COG5: variants seen among roughly 807,000 people sequenced by gnomAD.
COG5 encodes the protein conserved oligomeric Golgi complex subunit 5.
COG5 carries 86 observed loss-of-function variants against 110.4 expected under a neutral mutation model. The ratio of observed to expected loss-of-function variants is 0.78; its 90% CI spans 0.65 to 0.93. The LOEUF is 0.93. Among genes scored for constraint, COG5 ranks in the 40% least tolerant of loss-of-function variants. The pLI, the probability that COG5 is intolerant of heterozygous loss-of-function variation, is 0.00. For missense variants in COG5, 1,077 were observed against 987.0 expected (o/e 1.09, Z -1.22); for synonymous variants, 360 against 334.6 (o/e 1.08, Z -0.83).
chr7:107,244,167 G>T (rs569141251), intron 17 of COG5, among the ~76,000 whole-genome samples: 1 of 152,118 alleles, frequency 6.6e-6, no homozygotes, highest in Non-Finnish European at 1.5e-5. Context: ...CAGGAGAATC[G>T]CTTGAACCGA....
At chr7:107,473,732 A>G (rs1490217757) in intron 6 of COG5, among the ~76,000 whole-genome samples, 3 of 152,128 alleles carry the variant, frequency 2.0e-5, no homozygotes, top group Admixed American at 1.3e-4. Context: ...ATCATACAAA[A>G]ATACACTTTA....
At chr7:107,284,475 G>C (rs1185879351) in intron 12 of COG5, among the ~76,000 whole-genome samples, 1 of 152,158 alleles carries the variant, frequency 6.6e-6, no homozygotes, top group Non-Finnish European at 1.5e-5. Flanking sequence ...CCCCAGTAAA[G>C]CTCACTGACT....
intron 6 of COG5, chr7:107,472,125 A>G (rs746686355): frequency 6.6e-6 from 1 of 152,036 alleles, no homozygotes; most frequent in Admixed American, 6.6e-5. Flanking sequence ...CTATCATCTG[A>G]GGAAATTCCT....
At chr7:107,240,635 T>G (rs1801542675) in intron 17 of COG5, among the ~76,000 whole-genome samples, 1 of 152,200 alleles carries the variant, frequency 6.6e-6, no homozygotes. Flanking sequence ...GGGTCAGGTT[T>G]TCACTATTGT....
At chr7:107,365,129 C>T (rs1172442597) in intron 8 of COG5, among the ~76,000 whole-genome samples, 2 of 151,912 alleles carry the variant, frequency 1.3e-5, no homozygotes, top group African/African-American at 4.8e-5. Flanking sequence ...TAAATACAAG[C>T]AGAAATACAA....
intron 14 of COG5, among the ~76,000 whole-genome samples, chr7:107,263,385 T>G (rs1284819925): frequency 6.6e-6 from 1 of 152,202 alleles, no homozygotes; most frequent in Non-Finnish European, 1.5e-5. Context: ...AAAATACAGC[T>G]TTGGCTGTAA....
At chr7:107,429,723 C>T (rs1388206580) in intron 6 of COG5, among the ~76,000 whole-genome samples, 2 of 152,094 alleles carry the variant, frequency 1.3e-5, no homozygotes, top group Admixed American at 6.5e-5. Flanking sequence ...CGGGTCTTTC[C>T]TGTGACAATG....
intron 10 of COG5, among the ~76,000 whole-genome samples, chr7:107,343,095 T>C (rs1173844047): frequency 6.6e-6 from 1 of 152,136 alleles, no homozygotes; most frequent in Non-Finnish European, 1.5e-5. Flanking sequence ...AAGGCCATTA[T>C]CCTAAGCAAA....
At chr7:107,256,089 A>G (rs1454154463) in intron 16 of COG5, among the ~76,000 whole-genome samples, 1 of 152,210 alleles carries the variant, frequency 6.6e-6, no homozygotes. Context: ...TGTCAACTAC[A>G]TATGGCTCTG....
At chr7:107,379,975 T>C (rs775031597) in intron 7 of COG5, among the ~76,000 whole-genome samples, 6 of 152,236 alleles carry the variant, frequency 3.9e-5, no homozygotes, top group Non-Finnish European at 8.8e-5. Flanking sequence ...GAATATGCAT[T>C]CTTCTTAGCA....
intron 19 of COG5, among the ~76,000 whole-genome samples, chr7:107,219,447 T>C (rs1301396120): frequency 1.3e-5 from 2 of 152,152 alleles, no homozygotes; most frequent in African/African-American, 4.8e-5. Flanking sequence ...TGTCTATCAA[T>C]GGATGAGTAG....
chr7:107,274,953 T>C (rs1804578242), intron 14 of COG5, among the ~76,000 whole-genome samples: 1 of 147,456 alleles, frequency 6.8e-6, no homozygotes, highest in African/African-American at 2.4e-5. Context: ...CAGAAAGCTA[T>C]CTTTTTTTCT....
At chr7:107,267,072 A>C (rs529428576) in intron 14 of COG5, among the ~76,000 whole-genome samples, 2 of 152,314 alleles carry the variant, frequency 1.3e-5, no homozygotes, top group African/African-American at 4.8e-5. Context: ...TATAACCAAA[A>C]AGTAAGAAAC....
At chr7:107,550,311 GTGTCCCT>G (rs151171771) in intron 3 of COG5, among the ~76,000 whole-genome samples, 9,917 of 152,096 alleles carry the variant, frequency 0.065, 360 homozygotes, top group African/African-American at 0.1. Context: ...TTCCAAACCA[GTGTCCCT>G]GATTCCACCA....
At chr7:107,330,329 T>C (rs1288260152) in intron 10 of COG5, among the ~76,000 whole-genome samples, 4 of 152,184 alleles carry the variant, frequency 2.6e-5, no homozygotes, top group African/African-American at 9.6e-5. Flanking sequence ...ACACATATTA[T>C]TACATATAAA....
At chr7:107,558,165 C>A (rs763070251) in intron 1 of COG5, 50 bp from the exon 2 acceptor site, 1 of 1,570,832 alleles carries the variant, frequency 6.4e-7, no homozygotes, top group South Asian at 1.1e-5. Flanking sequence ...CTGTACTAAA[C>A]CAGTTATTAA....
intron 8 of COG5, among the ~76,000 whole-genome samples, chr7:107,368,689 T>C (rs906109610): frequency 3.3e-5 from 5 of 152,248 alleles, no homozygotes; most frequent in Non-Finnish European, 7.3e-5. Context: ...TTTCACTGTA[T>C]AGTAACAACT....
chr7:107,441,461 T>G (rs923792216), intron 6 of COG5, among the ~76,000 whole-genome samples: 18 of 152,132 alleles, frequency 1.2e-4, no homozygotes, highest in Non-Finnish European at 2.5e-4. Context: ...AGCCCTTCAC[T>G]GTCATTTTAG....
chr7:107,386,328 G>C (rs1241703965), intron 7 of COG5, among the ~76,000 whole-genome samples: 1 of 152,092 alleles, frequency 6.6e-6, no homozygotes, highest in Non-Finnish European at 1.5e-5. Flanking sequence ...TCTCCTGAGA[G>C]TCTGTAAGCG....
Sources: allele counts gnomAD v4.1 joint callset (sites outside exome capture counted in the v4.1 genomes callset), GRCh38; gene constraint gnomAD v4.1.1; transcripts MANE v1.5; gene names NCBI Gene and HGNC (gene_info 2026-07-23, HGNC 2026-07-21).